Variants in ERICH3 observed in about 807,000 individuals in gnomAD.
The protein encoded by ERICH3 is glutamate rich 3.
ERICH3 carries 126 observed loss-of-function variants against 131.1 expected under a neutral mutation model. That is an observed-to-expected ratio of 0.96 (90% CI 0.83 to 1.11). ERICH3 has a LOEUF of 1.11. Ranked by LOEUF, ERICH3 falls within the 50% of genes most tolerant of loss-of-function variation. The probability of loss-of-function intolerance (pLI) is 0.00; values close to 1 mark genes in which losing one functional copy is unlikely to be tolerated. For synonymous variants in ERICH3, 695 were observed against 644.6 expected (o/e 1.08, Z -1.18); for missense variants, 2,050 against 1,810.7 (o/e 1.13, Z -2.40).
chr1:74,629,333 A>G (rs557511618), intron 7 of ERICH3, among the ~76,000 whole-genome samples: 2 of 152,230 alleles, frequency 1.3e-5, no homozygotes, highest in East Asian at 1.9e-4. Flanking sequence ...TAGTTCTAAC[A>G]TTCCCAAAAT....
Position 74,571,845 on chromosome 1 carries a change from C to A in ERICH3, c.3865G>T (p.Ala1289Ser). Residue 1289 changes from alanine to serine, a missense_variant, in exon 14 of 15, where the codon GCG becomes TCG. By Grantham distance (99) the Ala-to-Ser change is moderately conservative. Coordinates refer to ENST00000326665, the MANE Select transcript of ERICH3 (RefSeq NM_001002912.5). Reference protein sequence around the residue: ...PIMAEKFREEAVDEDPEEEED... With the variant: ...PIMAEKFREESVDEDPEEEED... Reference sequence around the variant, plus strand: ...TCCTCCTCTGGGTCCTCATCCACCGCTTCCTCCCTGAACTTTTCTGCCATT... The same window carrying A: ...TCCTCCTCTGGGTCCTCATCCACCGATTCCTCCCTGAACTTTTCTGCCATT... 1 of 1,612,452 alleles carries A rather than the reference C, an allele frequency of 6.2e-7. No individual in the cohort carries two copies.
Position 74,604,862 on chromosome 1 carries a change from G to A in ERICH3, c.1489+1739C>T, listed in dbSNP as rs144048083. ...CTAGGATTTTTTGAATGCTAAATGA[G>A]CATTGGCTTCATCATGAACTCACCA... On this transcript the variant is annotated intron_variant, in intron 10 of 14. Transcript: ENST00000326665. 9.0e-3 allele frequency among the ~76,000 whole-genome samples: 1,373 copies of A among 151,988 alleles called. 20 individuals carry two copies. Among genetic ancestry groups the A allele is most frequent in the African/African-American group, 0.031 (1,292 of 41,494 alleles).
intron 1 of ERICH3, among the ~76,000 whole-genome samples, chr1:74,667,699 A>T (rs1409474308): frequency 6.6e-6 from 1 of 152,182 alleles, no homozygotes; most frequent in African/African-American, 2.4e-5. Context: ...AATCAAAATA[A>T]GTTAGGCACA....
chr1:74,615,031 C>T (rs1301953476), intron 8 of ERICH3, among the ~76,000 whole-genome samples: 1 of 152,140 alleles, frequency 6.6e-6, no homozygotes, highest in East Asian at 1.9e-4. Context: ...TGAGAAAGGG[C>T]TCAGGAAATC....
chr1:74,612,415 G>A (rs114692984), intron 9 of ERICH3, among the ~76,000 whole-genome samples: 1,544 of 152,204 alleles, frequency 0.01, 21 homozygotes, highest in African/African-American at 0.036. Flanking sequence ...TTTTATCTTC[G>A]TTATATAACA....
At chr1:74,606,500 G>T in intron 10 of ERICH3, 101 bp downstream of exon 10, 3 of 1,227,106 alleles carry the variant, frequency 2.4e-6, no homozygotes, top group East Asian at 2.4e-5. Flanking sequence ...AACACAGCTG[G>T]GTAACATTTA....
chr1:74,651,804 A>G (rs1646537055), intron 1 of ERICH3, among the ~76,000 whole-genome samples: 1 of 152,104 alleles, frequency 6.6e-6, no homozygotes, highest in South Asian at 2.1e-4. Flanking sequence ...CAACTTCCCT[A>G]TTGACTGATA....
In ERICH3 at chr1:74,654,793, A is replaced by G. The variant is rs556222408; in HGVS notation, c.24-5478T>C. ...ATCATCCCCATTTTGTAGATGAGAAAAACAAGCCTTAGTTTAAATCACTTG... is the reference window on the plus strand; with the variant it reads ...ATCATCCCCATTTTGTAGATGAGAAGAACAAGCCTTAGTTTAAATCACTTG... On this transcript the variant is annotated intron_variant, in intron 1 of 14. Transcript: ENST00000326665. Among the ~76,000 whole-genome samples, 11 of 152,282 alleles carry G rather than the reference A, an allele frequency of 7.2e-5. 1 individual carries two copies. In the East Asian group the frequency reaches 1.7e-3, roughly 24 times the overall value.
intron 11 of ERICH3, 25 bp downstream of exon 11, chr1:74,599,670 T>G (rs1294131432): frequency 1.3e-6 from 2 of 1,545,688 alleles, no homozygotes; most frequent in Non-Finnish European, 1.8e-6. Context: ...ACAGCCTATG[T>G]TACATGATAA....
At chr1:74,659,227 G>A (rs1646615840) in intron 1 of ERICH3, among the ~76,000 whole-genome samples, 1 of 152,106 alleles carries the variant, frequency 6.6e-6, no homozygotes, top group Non-Finnish European at 1.5e-5. Context: ...CACATGCAAA[G>A]GTCCAGGGAT....
At chr1:74,596,564 A>G (rs1485045842) in intron 11 of ERICH3, among the ~76,000 whole-genome samples, 1 of 152,066 alleles carries the variant, frequency 6.6e-6, no homozygotes, top group African/African-American at 2.4e-5. Context: ...GTAGTAAAAT[A>G]CTAGAACTTA....
At chr1:74,583,343 T>G (rs1484729169) in intron 12 of ERICH3, among the ~76,000 whole-genome samples, 2 of 152,126 alleles carry the variant, frequency 1.3e-5, no homozygotes, top group Non-Finnish European at 2.9e-5. Flanking sequence ...TATACTATGC[T>G]TTTTCCTATA....
chr1:74,579,357 T>C (rs1647135124), intron 12 of ERICH3: 1 of 976,010 alleles, frequency 1.0e-6, no homozygotes, highest in Non-Finnish European at 1.2e-6. Flanking sequence ...AAAAGACTAC[T>C]ATAAGAAGCC....
At chr1:74,649,899 C>T (rs2100643009) in intron 1 of ERICH3, among the ~76,000 whole-genome samples, 1 of 152,132 alleles carries the variant, frequency 6.6e-6, no homozygotes, top group South Asian at 2.1e-4. Context: ...TGTTGCCTTC[C>T]ACTCCCGCTC....
In ERICH3 at chr1:74,572,883, C is replaced by G. The variant is rs764159125; in HGVS notation, c.2827G>C (p.Gly943Arg). The change falls in exon 14 of 15, where the codon GGA becomes CGA. Residue 943 changes from glycine to arginine, a missense_variant. Physicochemically the swap from Gly to Arg is moderately radical, Grantham distance 125. Coordinates refer to ENST00000326665, the MANE Select transcript of ERICH3 (RefSeq NM_001002912.5). ...AEGGVAVSDV[G>R]ESEEEASIDL... Reference sequence around the variant, plus strand: ...ATGGATGCTTCCTCTTCACTTTCTCCGACATCACTCACAGCCACCCCACCC... The same window carrying G: ...ATGGATGCTTCCTCTTCACTTTCTCGGACATCACTCACAGCCACCCCACCC... 1.3e-5 allele frequency: 21 copies of G among 1,613,898 alleles called. No individual in the cohort carries two copies. The highest frequency in any genetic ancestry group is 1.8e-5 in the Non-Finnish European group (21 of 1,180,010).
At chr1:74,583,495 TTC>T (rs368745188) in intron 12 of ERICH3, among the ~76,000 whole-genome samples, 4 of 151,334 alleles carry the variant, frequency 2.6e-5, no homozygotes, top group Admixed American at 6.6e-5. Context: ...CTCTCTCTCC[TTC>T]TCTCTCTCTC....
intron 5 of ERICH3, 151 bp from the exon 6 acceptor site, chr1:74,636,589 C>A (rs1287751046): frequency 2.8e-6 from 2 of 721,598 alleles, no homozygotes; most frequent in Admixed American, 5.4e-5. Context: ...TTATACATAC[C>A]CTTATGACCC....
intron 11 of ERICH3, among the ~76,000 whole-genome samples, chr1:74,597,936 T>C (rs1157184011): frequency 6.6e-6 from 1 of 152,000 alleles, no homozygotes; most frequent in Non-Finnish European, 1.5e-5. Context: ...TCTGTTGAGT[T>C]TCCAAACTCC....
chr1:74,643,128 A>C (rs770396624), intron 3 of ERICH3, 30 bp from the exon 4 acceptor site: 6 of 1,555,862 alleles, frequency 3.9e-6, no homozygotes, highest in Admixed American at 3.6e-5. Context: ...TAAAGGAGAG[A>C]ATCATATCAG....
Sources: allele counts gnomAD v4.1 joint callset (sites outside exome capture counted in the v4.1 genomes callset), GRCh38; gene constraint gnomAD v4.1.1; transcripts MANE v1.5; gene names NCBI Gene and HGNC (gene_info 2026-07-23, HGNC 2026-07-21).